DGKI: variants seen among roughly 807,000 people sequenced by gnomAD.
DGKI encodes DAG kinase iota.
DGKI carries 55 observed loss-of-function variants against 147.5 expected under a neutral mutation model. The observed-to-expected ratio is 0.37, with a 90% CI of 0.30 to 0.47. The LOEUF (loss-of-function observed/expected upper bound fraction) is 0.47, where lower values mean the gene tolerates loss of function less well. DGKI is among the 20% of genes least tolerant of loss of function. The pLI is 1.00. For missense variants in DGKI, 1,007 were observed against 1,323.8 expected (o/e 0.76, Z 3.71); for synonymous variants, 469 against 477.1 (o/e 0.98, Z 0.22).
intron 2 of DGKI, among the ~76,000 whole-genome samples, chr7:137,685,920 A>G (rs908704793): frequency 1.3e-5 from 2 of 152,150 alleles, no homozygotes; most frequent in African/African-American, 4.8e-5. Context: ...GGAACTAGAG[A>G]TTATCTGAGT....
chr7:137,393,481 C>T (rs1455804410), intron 32 of DGKI, among the ~76,000 whole-genome samples: 1 of 152,156 alleles, frequency 6.6e-6, no homozygotes, highest in Non-Finnish European at 1.5e-5. Context: ...CTGAGTGGCC[C>T]TGGCAAGACC....
At position 137,386,695 on chromosome 7, in the gene DGKI, C is replaced by G. The variant is rs1811185892; in HGVS notation, c.*4525G>C. On this transcript the variant is annotated 3_prime_UTR_variant, in exon 33 of 33. Coordinates refer to ENST00000614521, the MANE Select transcript of DGKI (RefSeq NM_001321708.2). ...AAGAGATAATGGATGACTGGGGACA[C>G]AGAAAAGGGTAGGGTCCAAGTCGAT... is the stretch of plus-strand genomic sequence containing the variant. 1 of 152,022 alleles carries G rather than the reference C, an allele frequency of 6.6e-6. No homozygotes were observed. Among genetic ancestry groups the G allele is most frequent in the Non-Finnish European group, 1.5e-5 (1 of 68,006 alleles). 9.4% of individuals were successfully genotyped at this position (152,022 alleles called of 1,614,324 possible). A position where few individuals can be genotyped will look rare whatever the true frequency, so the allele number is the denominator to read the frequency against.
chr7:137,721,974 C>A lies in DGKI; in HGVS notation c.402-31972G>T. 3 of 1,472,058 alleles carry A rather than the reference C, an allele frequency of 2.0e-6. No homozygotes were observed. The Middle Eastern group carries it at 5.3e-4, about 261-fold the overall frequency. The allele number at this position is 1,472,058 out of a possible 1,614,324, so 91.2% of individuals were successfully genotyped here. A position where few individuals can be genotyped will look rare whatever the true frequency, so the allele number is the denominator to read the frequency against. On this transcript the variant is annotated intron_variant, in intron 1 of 32. Coordinates refer to ENST00000614521, the MANE Select transcript of DGKI (RefSeq NM_001321708.2). ...AGAAGTATAGCATAGTGAGCTCTTT[C>A]CCATCTTGCAAGATGGCGGGTGAAA... is the stretch of plus-strand genomic sequence containing the variant.
At chr7:137,586,789 C>A (rs985673078) in intron 13 of DGKI, among the ~76,000 whole-genome samples, 2 of 152,190 alleles carry the variant, frequency 1.3e-5, no homozygotes, top group Non-Finnish European at 2.9e-5. Context: ...CTGTATGATC[C>A]TTTTGCACGC....
intron 16 of DGKI, among the ~76,000 whole-genome samples, chr7:137,577,788 G>T (rs1819037868): frequency 6.6e-6 from 1 of 152,088 alleles, no homozygotes; most frequent in African/African-American, 2.4e-5. Flanking sequence ...GAACGTGCCT[G>T]AGAAACAAAA....
At chr7:137,457,824 A>G (rs965424289) in intron 27 of DGKI, among the ~76,000 whole-genome samples, 7 of 152,144 alleles carry the variant, frequency 4.6e-5, no homozygotes, top group African/African-American at 1.4e-4. Context: ...TGAAGAAAAT[A>G]CACATAGAAC....
At chr7:137,768,458 A>G (rs527815001) in intron 1 of DGKI, among the ~76,000 whole-genome samples, 1 of 152,346 alleles carries the variant, frequency 6.6e-6, no homozygotes, top group Admixed American at 6.5e-5. Context: ...ACACTGAGCT[A>G]AAACCCAGAG....
At position 137,483,106 on chromosome 7, in the gene DGKI, C is replaced by T. The variant is rs149949373; in HGVS notation, c.2373+2268G>A. 2.0e-4 allele frequency among the ~76,000 whole-genome samples: 30 copies of T among 152,150 alleles called. No homozygotes were observed. The East Asian group carries it at 5.8e-3, about 29-fold the overall frequency. On this transcript the variant is annotated intron_variant, in intron 23 of 32. Coordinates refer to ENST00000614521, the MANE Select transcript of DGKI (RefSeq NM_001321708.2). The stretch of plus-strand genomic sequence containing the variant: ...GAGTGTTATTACCAAACAATACATG[C>T]AATACATAACTCACTCATATTGTAG...
intron 27 of DGKI, among the ~76,000 whole-genome samples, chr7:137,446,453 C>T (rs1320997327): frequency 6.6e-6 from 1 of 152,186 alleles, no homozygotes; most frequent in Non-Finnish European, 1.5e-5. Flanking sequence ...GAGACATGCA[C>T]ATCATCCATT....
intron 23 of DGKI, among the ~76,000 whole-genome samples, chr7:137,472,621 A>G (rs973278837): frequency 7.3e-5 from 11 of 151,240 alleles, no homozygotes; most frequent in African/African-American, 2.4e-4. Flanking sequence ...TTATATTTTG[A>G]CATGTGTGAC....
chr7:137,498,313 T>A (rs546685689), intron 21 of DGKI, among the ~76,000 whole-genome samples: 3 of 151,760 alleles, frequency 2.0e-5, no homozygotes, highest in Admixed American at 1.3e-4. Flanking sequence ...GAGGTCCCAA[T>A]AAGAGGAGTT....
At chr7:137,831,128 C>T (rs1232248518) in intron 1 of DGKI, among the ~76,000 whole-genome samples, 5 of 152,166 alleles carry the variant, frequency 3.3e-5, no homozygotes, top group Non-Finnish European at 7.3e-5. Flanking sequence ...GTAACTATGC[C>T]CCTAATGTAT....
rs142913494 is a variant in DGKI, at chr7:137,391,396, G to A, written c.3058-60C>T. On this transcript the variant is annotated intron_variant, in intron 32 of 32. Coordinates refer to ENST00000614521, the MANE Select transcript of DGKI (RefSeq NM_001321708.2). ...AGAGAGATAGACACAAGCGCTAGTC[G>A]TGAAATACAAAAACAAAAAACAAAA... The A allele has an allele frequency of 1.4e-4, 165 of 1,212,596 alleles. 1 individual carries two copies. The East Asian group carries it at 1.8e-3, about 13-fold the overall frequency. 75.1% of individuals were successfully genotyped at this position (1,212,596 alleles called of 1,614,324 possible).
intron 24 of DGKI, among the ~76,000 whole-genome samples, chr7:137,467,598 G>A (rs71541353): frequency 0.048 from 7,234 of 152,090 alleles, 211 homozygotes; most frequent in Middle Eastern, 0.1. Context: ...AGCCAAAACA[G>A]CAAAAAAATT....
At chr7:137,633,212 C>CAAA (rs575170478) in intron 6 of DGKI, among the ~76,000 whole-genome samples, 5 of 65,676 alleles carry the variant, frequency 7.6e-5, no homozygotes, top group Admixed American at 1.7e-4. Context: ...AACTCGTTCT[C>CAAA]AAAAAAAAAA....
intron 14 of DGKI, among the ~76,000 whole-genome samples, chr7:137,582,968 G>T (rs77534817): frequency 0.01 from 1,532 of 152,192 alleles, 9 homozygotes; most frequent in Non-Finnish European, 0.015. Context: ...AGAGATAAGT[G>T]TTTTAACCCT....
At chr7:137,713,429 A>G (rs181921944) in intron 1 of DGKI, among the ~76,000 whole-genome samples, 538 of 152,366 alleles carry the variant, frequency 3.5e-3, no homozygotes, top group Middle Eastern at 6.8e-3. Context: ...CAAGTTGTCT[A>G]TGGAATTTTC....
At chr7:137,768,192 T>A (rs79424782) in intron 1 of DGKI, among the ~76,000 whole-genome samples, 1 of 152,166 alleles carries the variant, frequency 6.6e-6, no homozygotes, top group Non-Finnish European at 1.5e-5. Context: ...CCTAATACTA[T>A]CATCTTGGCA....
At chr7:137,811,481 A>G (rs1441506389) in intron 1 of DGKI, among the ~76,000 whole-genome samples, 1 of 152,082 alleles carries the variant, frequency 6.6e-6, no homozygotes, top group Non-Finnish European at 1.5e-5. Context: ...TCAGGAGACA[A>G]CAAACACAAA....
Sources: allele counts gnomAD v4.1 joint callset (sites outside exome capture counted in the v4.1 genomes callset), GRCh38; gene constraint gnomAD v4.1.1; transcripts MANE v1.5; gene names NCBI Gene and HGNC (gene_info 2026-07-23, HGNC 2026-07-21).